Variants in ARB2A observed in about 807,000 individuals in gnomAD.
The protein encoded by ARB2A is cotranscriptional regulator ARB2A.
At chr5:93,754,105 T>C in the ARB2A span, among the ~76,000 whole-genome samples, 6 of 152,206 alleles carry the variant, frequency 3.9e-5, no homozygotes, top group African/African-American at 1.4e-4. Flanking sequence ...AGTGGAATAA[T>C]AATAATTTGC....
the ARB2A span, among the ~76,000 whole-genome samples, chr5:93,795,434 T>C: frequency 6.6e-6 from 1 of 152,176 alleles, no homozygotes; most frequent in African/African-American, 2.4e-5. Flanking sequence ...TCAGGGAGCC[T>C]GCAGCAGTGA....
the ARB2A span, among the ~76,000 whole-genome samples, chr5:94,025,029 A>G: frequency 6.6e-6 from 1 of 152,220 alleles, no homozygotes; most frequent in African/African-American, 2.4e-5. Flanking sequence ...GAAACACATA[A>G]TGGCTCTAAA....
chr5:93,969,063 T>C, the ARB2A span, among the ~76,000 whole-genome samples: 2 of 145,182 alleles, frequency 1.4e-5, no homozygotes, highest in East Asian at 2.0e-4. Flanking sequence ...TCACAAGAAA[T>C]GTTAAAACTT....
the ARB2A span, among the ~76,000 whole-genome samples, chr5:93,790,978 A>G: frequency 6.6e-6 from 1 of 152,216 alleles, no homozygotes; most frequent in Non-Finnish European, 1.5e-5. Flanking sequence ...CAATAATGTC[A>G]GCTATTATTA....
At chr5:93,890,065 T>C in the ARB2A span, among the ~76,000 whole-genome samples, 1 of 151,906 alleles carries the variant, frequency 6.6e-6, no homozygotes, top group Admixed American at 6.6e-5. Flanking sequence ...ACAAGAGTGA[T>C]AAAATTATAT....
chr5:93,683,660 C>T, the ARB2A span: 51 of 1,603,010 alleles, frequency 3.2e-5, no homozygotes, highest in South Asian at 5.4e-4. Flanking sequence ...AGTTCACAAC[C>T]GAAAAGATAG....
chr5:93,698,853 A>G, the ARB2A span, among the ~76,000 whole-genome samples: 1 of 152,210 alleles, frequency 6.6e-6, no homozygotes, highest in South Asian at 2.1e-4. Context: ...TAGGTAGGAG[A>G]GGCAATAGAT....
chr5:93,743,537 A>G, the ARB2A span: 7 of 985,212 alleles, frequency 7.1e-6, no homozygotes, highest in East Asian at 7.9e-4. Flanking sequence ...GTATACTTAC[A>G]TGCTATTTTT....
At chr5:94,004,495 T>C in the ARB2A span, among the ~76,000 whole-genome samples, 6 of 151,484 alleles carry the variant, frequency 4.0e-5, no homozygotes, top group Non-Finnish European at 8.8e-5. Flanking sequence ...GGCAGGAGAA[T>C]AGCGTGAACC....
the ARB2A span, chr5:93,740,731 A>G: frequency 6.2e-7 from 1 of 1,612,958 alleles, no homozygotes; most frequent in South Asian, 1.1e-5. Flanking sequence ...GGCTGTCCCC[A>G]CAATCTCCCG....
the ARB2A span, among the ~76,000 whole-genome samples, chr5:93,847,000 T>C: frequency 6.6e-6 from 1 of 152,224 alleles, no homozygotes; most frequent in Non-Finnish European, 1.5e-5. Flanking sequence ...CTAGAGTCAA[T>C]CCTCTAAAAC....
At chr5:93,771,695 A>G in the ARB2A span, among the ~76,000 whole-genome samples, 2 of 152,258 alleles carry the variant, frequency 1.3e-5, no homozygotes, top group African/African-American at 4.8e-5. Context: ...GCCAAAAAAC[A>G]CATGAAAAAA....
chr5:93,757,745 T>C, the ARB2A span, among the ~76,000 whole-genome samples: 1 of 152,212 alleles, frequency 6.6e-6, no homozygotes, highest in East Asian at 1.9e-4. Context: ...AAACAAATCC[T>C]GGAAACACAT....
At chr5:93,817,694 T>G in the ARB2A span, among the ~76,000 whole-genome samples, 2 of 152,196 alleles carry the variant, frequency 1.3e-5, no homozygotes, top group South Asian at 2.1e-4. Context: ...TTGACAAGGG[T>G]GCTAAGACAA....
At chr5:94,050,131 G>A in the ARB2A span, among the ~76,000 whole-genome samples, 7 of 151,780 alleles carry the variant, frequency 4.6e-5, no homozygotes, top group Admixed American at 1.3e-4. Context: ...GTAGAGACAT[G>A]GTCTTGCTAT....
At chr5:93,656,943 C>T in the ARB2A span, among the ~76,000 whole-genome samples, 1 of 152,148 alleles carries the variant, frequency 6.6e-6, no homozygotes, top group African/African-American at 2.4e-5. Flanking sequence ...ATGCTGTCCT[C>T]ACTCCCCACC....
the ARB2A span, among the ~76,000 whole-genome samples, chr5:93,806,847 T>A: frequency 1.2e-4 from 19 of 152,050 alleles, no homozygotes; most frequent in African/African-American, 4.3e-4. Context: ...ACTTCTACAC[T>A]TTAACAATAT....
At chr5:93,933,524 C>G in the ARB2A span, among the ~76,000 whole-genome samples, 7 of 152,170 alleles carry the variant, frequency 4.6e-5, no homozygotes, top group African/African-American at 1.7e-4. Context: ...AAGCTGGAAA[C>G]CATCATTCTC....
the ARB2A span, among the ~76,000 whole-genome samples, chr5:93,794,735 A>T: frequency 6.6e-6 from 1 of 150,948 alleles, no homozygotes; most frequent in East Asian, 2.0e-4. Flanking sequence ...TGGTACTGGG[A>T]GTGTCTCCAA....
Sources: gnomAD v4.1 joint callset for allele counts (sites outside exome capture counted in the v4.1 genomes callset) on GRCh38, gnomAD v4.1.1 for gene constraint, MANE v1.5 for transcripts, NCBI Gene and HGNC (gene_info 2026-07-23, HGNC 2026-07-21) for gene names.